Variants in CHMP3 observed in about 807,000 individuals in gnomAD.
CHMP3 encodes the protein charged multivesicular body protein 3, also known as 25.1 protein.
Under a neutral mutation model 27.4 loss-of-function variants are expected in CHMP3, and 8 were observed. The ratio of observed to expected loss-of-function variants is 0.29; its 90% CI spans 0.17 to 0.53. The LOEUF is 0.53. Ranked by LOEUF, CHMP3 falls within the 20% of genes least tolerant of loss-of-function variation. CHMP3 has a pLI of 0.96. For missense variants in CHMP3, 208 were observed against 271.5 expected (o/e 0.77, Z 1.64); for synonymous variants, 86 against 85.5 (o/e 1.01, Z -0.03).
chr2:86,553,104 G>C lies in CHMP3; in HGVS notation c.45+10200C>G, dbSNP rs115143763. 6.8e-3 allele frequency among the ~76,000 whole-genome samples: 1,025 copies of C among 151,814 alleles called. 11 individuals are homozygous for C. Among genetic ancestry groups the C allele is most frequent in the South Asian group, 0.016 (76 of 4,808 alleles). On this transcript the variant is annotated intron_variant, in intron 1 of 5. Transcript: ENST00000263856. Reference sequence around the variant, plus strand: ...AATGGATACTGGGCTTAATACCTAGGTGATGGGATGATGTGCGCGGCAAAC... The same window carrying C: ...AATGGATACTGGGCTTAATACCTAGCTGATGGGATGATGTGCGCGGCAAAC...
intron 3 of CHMP3, among the ~76,000 whole-genome samples, chr2:86,525,824 A>G (rs926254174): frequency 6.6e-6 from 1 of 152,216 alleles, no homozygotes; most frequent in African/African-American, 2.4e-5. Flanking sequence ...TGGTGGGAGA[A>G]GGAAAATCAA....
Position 86,546,308 on chromosome 2 carries a change from C to T in CHMP3, c.46-3996G>A, listed in dbSNP as rs186120102. ...GGAGCCCAAGGCAGGGAGGTTGCAG[C>T]GAGCTGAGATCACGGCAGTACAGTC... On this transcript the variant is annotated intron_variant, in intron 1 of 5. Transcript: ENST00000263856. 4.1e-3 allele frequency among the ~76,000 whole-genome samples: 503 copies of T among 121,842 alleles called. 5 individuals are homozygous for T. The highest frequency in any genetic ancestry group is 0.015 in the African/African-American group (482 of 31,544). 79.9% of individuals were successfully genotyped at this position (121,842 alleles called of 152,430 possible). A position where few individuals can be genotyped will look rare whatever the true frequency, so the allele number is the denominator to read the frequency against.
chr2:86,553,582 G>A (rs936308335), intron 1 of CHMP3, among the ~76,000 whole-genome samples: 5 of 152,044 alleles, frequency 3.3e-5, no homozygotes, highest in East Asian at 1.9e-4. Flanking sequence ...CACCCGCCTC[G>A]GCCTCCCAAA....
chr2:86,522,785 C>T (rs1675564010), intron 3 of CHMP3, among the ~76,000 whole-genome samples: 1 of 152,172 alleles, frequency 6.6e-6, no homozygotes, highest in East Asian at 1.9e-4. Flanking sequence ...GTGCTCTGTG[C>T]TTATAATGTG....
At chr2:86,540,995 A>G (rs1233999234) in intron 2 of CHMP3, 1 of 152,058 alleles carries the variant, frequency 6.6e-6, no homozygotes, top group Non-Finnish European at 1.5e-5. Flanking sequence ...TCTTCCCTTA[A>G]ACAGTGTTAA....
chr2:86,523,079 G>A (rs183088982), intron 3 of CHMP3, among the ~76,000 whole-genome samples: 144 of 152,198 alleles, frequency 9.5e-4, no homozygotes, highest in Non-Finnish European at 1.5e-3. Flanking sequence ...AACTTGTCTT[G>A]GAGAAGCATT....
intron 1 of CHMP3, among the ~76,000 whole-genome samples, chr2:86,543,584 A>G (rs1201039271): frequency 6.6e-6 from 1 of 152,232 alleles, no homozygotes; most frequent in Non-Finnish European, 1.5e-5. Flanking sequence ...TCTGTAGCCT[A>G]TCATAATCAT....
At position 86,505,116 on chromosome 2, in the gene CHMP3, C is replaced by T. The variant is rs1469704927; in HGVS notation, c.*688G>A. ...GAAAGAGACCTAGTACTACAGCTGTCTCATCTGGGTGCAACTTGCAATGGG... is the reference window on the plus strand; with the variant it reads ...GAAAGAGACCTAGTACTACAGCTGTTTCATCTGGGTGCAACTTGCAATGGG... On this transcript the variant is annotated 3_prime_UTR_variant, in exon 6 of 6. Coordinates refer to ENST00000263856, the MANE Select transcript of CHMP3 (RefSeq NM_016079.4). 1 of 152,480 alleles carries T rather than the reference C, an allele frequency of 6.6e-6. No individual in the cohort carries two copies. The highest frequency in any genetic ancestry group is 1.5e-5 in the Non-Finnish European group (1 of 68,152). 9.4% of individuals were successfully genotyped at this position (152,480 alleles called of 1,614,324 possible).
intron 3 of CHMP3, among the ~76,000 whole-genome samples, chr2:86,513,459 T>C (rs80138262): frequency 2.0e-5 from 3 of 152,154 alleles, no homozygotes; most frequent in African/African-American, 7.2e-5. Flanking sequence ...ACCCATCGAA[T>C]GTACAACACC....
chr2:86,549,488 G>A (rs1676782803), intron 1 of CHMP3, among the ~76,000 whole-genome samples: 1 of 149,486 alleles, frequency 6.7e-6, no homozygotes. Flanking sequence ...CCCAGACGGG[G>A]CGGCCGGGCA....
intron 1 of CHMP3, among the ~76,000 whole-genome samples, chr2:86,543,747 T>C (rs552437082): frequency 6.6e-6 from 1 of 152,364 alleles, no homozygotes; most frequent in South Asian, 2.1e-4. Context: ...CTCTCTCTGT[T>C]TTTTATTTAG....
At chr2:86,520,343 G>A (rs1347907462) in intron 3 of CHMP3, among the ~76,000 whole-genome samples, 4 of 152,158 alleles carry the variant, frequency 2.6e-5, no homozygotes, top group Non-Finnish European at 5.9e-5. Flanking sequence ...AGGCAAAGGG[G>A]AAGCAGGCAC....
At chr2:86,520,681 AC>A (rs1381424199) in intron 3 of CHMP3, among the ~76,000 whole-genome samples, 1 of 152,158 alleles carries the variant, frequency 6.6e-6, no homozygotes, top group Non-Finnish European at 1.5e-5. Flanking sequence ...GTTATGCTTG[AC>A]CCCAAAGATC....
chr2:86,525,400 A>G (rs745793986), intron 3 of CHMP3, among the ~76,000 whole-genome samples: 28 of 152,118 alleles, frequency 1.8e-4, no homozygotes, highest in Non-Finnish European at 4.4e-5. Flanking sequence ...ATAACTATGC[A>G]TATATATACT....
chr2:86,549,602 T>G (rs1414980098), intron 1 of CHMP3, among the ~76,000 whole-genome samples: 105 of 67,972 alleles, frequency 1.5e-3, no homozygotes, highest in Admixed American at 2.9e-3. Flanking sequence ...CCCAGAAGGG[T>G]CGGCCGGGAA....
intron 3 of CHMP3, among the ~76,000 whole-genome samples, chr2:86,520,376 CAGAG>C (rs371645454): frequency 1.3e-5 from 2 of 149,700 alleles, no homozygotes; most frequent in African/African-American, 2.4e-5. Context: ...CGGCAGGAGA[CAGAG>C]AGAGAGAGAG....
In CHMP3 at chr2:86,510,340, G is replaced by A; in HGVS notation, c.408+18C>T. ...ACTCTGGGGTTTGGAAAGGAAAGCAGGGCTAGCCCCAAGTCACCTTCATCA... is the reference window on the plus strand; with the variant it reads ...ACTCTGGGGTTTGGAAAGGAAAGCAAGGCTAGCCCCAAGTCACCTTCATCA... On this transcript the variant is annotated intron_variant, in intron 4 of 5. Transcript: ENST00000263856. The A allele has an allele frequency of 6.5e-7, 1 of 1,547,220 alleles. No homozygotes were observed. The highest frequency in any genetic ancestry group is 8.8e-7 in the Non-Finnish European group (1 of 1,137,850).
chr2:86,540,218 G>A (rs753463940), intron 2 of CHMP3, among the ~76,000 whole-genome samples: 2 of 152,014 alleles, frequency 1.3e-5, no homozygotes, highest in African/African-American at 2.4e-5. Context: ...CCTTGGATCT[G>A]CAAGCTTAAT....
intron 1 of CHMP3, among the ~76,000 whole-genome samples, chr2:86,545,769 T>G (rs932890952): frequency 2.6e-4 from 17 of 64,314 alleles, no homozygotes; most frequent in East Asian, 4.6e-4. Flanking sequence ...TCTCAGACGA[T>G]GGGTGGCCGG....
Sources: allele counts gnomAD v4.1 joint callset (sites outside exome capture counted in the v4.1 genomes callset), GRCh38; gene constraint gnomAD v4.1.1; transcripts MANE v1.5; gene names NCBI Gene and HGNC (gene_info 2026-07-23, HGNC 2026-07-21).